The following CLCN5 variants were observed in gnomAD, a reference collection of about 807,000 sequenced individuals.
CLCN5 encodes the protein H(+)/Cl(-) exchange transporter 5.
Under a neutral mutation model 54.0 loss-of-function variants are expected in CLCN5, and 17 were observed. The observed-to-expected ratio is 0.31, with a 90% CI of 0.22 to 0.47. The LOEUF (loss-of-function observed/expected upper bound fraction) is 0.47, where lower values mean the gene tolerates loss of function less well. CLCN5 is among the 20% of genes least tolerant of loss of function. The pLI is 1.00. For synonymous variants in CLCN5, 222 were observed against 233.0 expected (o/e 0.95, Z 0.43); for missense variants, 448 against 646.7 (o/e 0.69, Z 3.33).
intron 11 of CLCN5, among the ~76,000 whole-genome samples, 189 bp downstream of exon 11, chrX:50,087,059 T>G (rs921817825): frequency 1.5e-4 from 17 of 110,588 alleles, no homozygotes; most frequent in Admixed American, 9.6e-5. Context: ...TACCTCTATC[T>G]CAAATTGTCC....
chrX:49,979,942 T>A (rs782698636), intron 3 of CLCN5, among the ~76,000 whole-genome samples: 1 of 111,764 alleles, frequency 8.9e-6, no homozygotes, highest in Admixed American at 9.5e-5. Context: ...AAAATTCTGC[T>A]GCCTTGCTGG....
intron 3 of CLCN5, among the ~76,000 whole-genome samples, chrX:49,966,060 T>C (rs1366640443): frequency 1.8e-5 from 2 of 111,024 alleles, no homozygotes; most frequent in African/African-American, 3.3e-5. Context: ...AGTTTTTTTT[T>C]CTCAAGACAT....
chrX:50,085,822 A>G (rs782449123), intron 9 of CLCN5, among the ~76,000 whole-genome samples, 158 bp from the exon 10 acceptor site: 6 of 112,165 alleles, frequency 5.3e-5, no homozygotes, highest in African/African-American at 1.6e-4. Flanking sequence ...TGTATTCAAA[A>G]TTCAGCATAC....
intron 3 of CLCN5, among the ~76,000 whole-genome samples, chrX:50,011,439 T>C (rs1049771033): frequency 5.3e-5 from 6 of 112,331 alleles, no homozygotes; most frequent in Non-Finnish European, 7.5e-5. Context: ...ATCTATATGT[T>C]CCTTGTTACC....
chrX:50,041,593 C>A (rs903747363), intron 3 of CLCN5, among the ~76,000 whole-genome samples: 3 of 110,653 alleles, frequency 2.7e-5, no homozygotes, highest in African/African-American at 9.9e-5. Context: ...TCCCCATTCT[C>A]AAATGGCCAG....
At chrX:50,082,927 C>T (rs903855319) in intron 9 of CLCN5, among the ~76,000 whole-genome samples, 1 of 110,791 alleles carries the variant, frequency 9.0e-6, no homozygotes, top group Non-Finnish European at 1.9e-5. Context: ...TAAATTAGTC[C>T]CGCCATGGCA....
chrX:50,040,289 G>A (rs1557186988), intron 3 of CLCN5, among the ~76,000 whole-genome samples: 1 of 111,433 alleles, frequency 9.0e-6, no homozygotes, highest in Non-Finnish European at 1.9e-5. Context: ...ATAAAACATG[G>A]CTTCTTAGTA....
At chrX:49,990,080 A>G (rs1356999318) in intron 3 of CLCN5, among the ~76,000 whole-genome samples, 1 of 112,038 alleles carries the variant, frequency 8.9e-6, no homozygotes, top group Non-Finnish European at 1.9e-5. Flanking sequence ...TTTGTATGGC[A>G]AGGTGGGTAT....
At chrX:49,942,502 T>G (rs1016020257) in intron 3 of CLCN5, among the ~76,000 whole-genome samples, 1 of 108,831 alleles carries the variant, frequency 9.2e-6, no homozygotes, top group Non-Finnish European at 1.9e-5. Flanking sequence ...GTGCTGCACC[T>G]ATTAACTCAT....
At chrX:49,927,357 A>G (rs1557168164) in intron 3 of CLCN5, among the ~76,000 whole-genome samples, 1 of 112,430 alleles carries the variant, frequency 8.9e-6, no homozygotes, top group Non-Finnish European at 1.9e-5. Context: ...GCTTAAAATT[A>G]CATTGAAGTG....
At chrX:50,040,241 G>T (rs1557186986) in intron 3 of CLCN5, among the ~76,000 whole-genome samples, 1 of 112,189 alleles carries the variant, frequency 8.9e-6, no homozygotes. Flanking sequence ...GTCCAGCAAG[G>T]TTGGATTGGT....
In CLCN5 at chrX:49,998,990, AC is replaced by A. The variant is rs1324669137; in HGVS notation, c.17-43319del. ...ACAGGAGAGTGAATTTTCTAGTGCCACCCCCCCGCCATAGGCTATGTGCCCC... is the reference window on the plus strand; with the variant it reads ...ACAGGAGAGTGAATTTTCTAGTGCCACCCCCCGCCATAGGCTATGTGCCCC... On this transcript the variant is annotated intron_variant, in intron 3 of 14. Transcript: ENST00000376091. Among the ~76,000 whole-genome samples the A allele has an allele frequency of 4.8e-5, 5 of 104,561 alleles. No homozygotes were observed. In the East Asian group the frequency reaches 1.2e-3, roughly 26 times the overall value. 90.8% of individuals were successfully genotyped at this position (104,561 alleles called of 115,157 possible).
intron 3 of CLCN5, among the ~76,000 whole-genome samples, chrX:50,029,638 T>C (rs1448380119): frequency 9.0e-6 from 1 of 111,429 alleles, no homozygotes; most frequent in Non-Finnish European, 1.9e-5. Flanking sequence ...TGAAAAAAGC[T>C]CACCATCACT....
At chrX:50,036,582 AG>A (rs1787364648) in intron 3 of CLCN5, among the ~76,000 whole-genome samples, 1 of 112,093 alleles carries the variant, frequency 8.9e-6, no homozygotes, top group African/African-American at 3.2e-5. Context: ...CCAGAACAAT[AG>A]GTACACCCAT....
At chrX:50,057,488 A>C (rs1225343685) in intron 4 of CLCN5, among the ~76,000 whole-genome samples, 2 of 1,028 alleles carry the variant, frequency 1.9e-3, no homozygotes, top group African/African-American at 9.8e-3. Flanking sequence ...TCTCCTGGAT[A>C]GATACTATCC....
intron 3 of CLCN5, among the ~76,000 whole-genome samples, chrX:49,951,747 T>C (rs1223944505): frequency 8.9e-6 from 1 of 111,925 alleles, no homozygotes; most frequent in Non-Finnish European, 1.9e-5. Flanking sequence ...CAAAGGAACA[T>C]GCAGAACTAG....
intron 3 of CLCN5, among the ~76,000 whole-genome samples, chrX:49,992,250 A>G (rs1462443370): frequency 1.9e-5 from 2 of 105,450 alleles, no homozygotes; most frequent in Non-Finnish European, 3.9e-5. Context: ...GCTTGGAAAA[A>G]TAACAAAAAT....
rs1388572947 is a variant in CLCN5 at position 50,042,480 on chromosome X, G to C, written c.163+18G>C. On this transcript the variant is annotated intron_variant, in intron 4 of 14. Coordinates refer to ENST00000376091, the MANE Select transcript of CLCN5 (RefSeq NM_001127898.4). ...AGTAGGAGGTATCATTATTGGTGAT[G>C]ATAATTTATCTTAATTTTTTAAAAT... The C allele has an allele frequency of 1.0e-6, 1 of 984,047 alleles. No individual in the cohort carries two copies. The highest frequency in any genetic ancestry group is 1.3e-6 in the Non-Finnish European group (1 of 756,986). The allele number at this position is 984,047 out of a possible 1,213,427, so 81.1% of individuals were successfully genotyped here. A position where few individuals can be genotyped will look rare whatever the true frequency, so the allele number is the denominator to read the frequency against.
chrX:49,942,441 A>G (rs1257984336), intron 3 of CLCN5, among the ~76,000 whole-genome samples: 2 of 108,368 alleles, frequency 1.8e-5, no homozygotes, highest in Admixed American at 1.0e-4. Context: ...TTTAGGGTAC[A>G]TGTGCACAAT....
Sources: gnomAD v4.1 joint callset for allele counts (sites outside exome capture counted in the v4.1 genomes callset) on GRCh38, gnomAD v4.1.1 for gene constraint, MANE v1.5 for transcripts, NCBI Gene and HGNC (gene_info 2026-07-23, HGNC 2026-07-21) for gene names.